CXADR: variants seen among roughly 807,000 people sequenced by gnomAD.
CXADR encodes the protein coxsackievirus and adenovirus receptor.
CXADR carries 20 observed loss-of-function variants against 40.3 expected under a neutral mutation model. The ratio of observed to expected loss-of-function variants is 0.50; its 90% CI spans 0.35 to 0.72. The LOEUF (loss-of-function observed/expected upper bound fraction) is 0.72, where lower values mean the gene tolerates loss of function less well. Ranked by LOEUF, CXADR falls within the 30% of genes least tolerant of loss-of-function variation. The pLI is 0.01. For synonymous variants in CXADR, 150 were observed against 161.3 expected (o/e 0.93, Z 0.53); for missense variants, 332 against 449.1 (o/e 0.74, Z 2.36).
rs917756107 is a variant in CXADR at position 17,565,910 on chromosome 21, G to A, written c.*218G>A. On this transcript the variant is annotated 3_prime_UTR_variant, in exon 7 of 7. Transcript: ENST00000284878. Reference sequence around the variant, plus strand: ...AAAGAAAAGTTTACCATCTGAAAAAGCTGGATTTTCTTTAAGAGGTTGATT... The same window carrying A: ...AAAGAAAAGTTTACCATCTGAAAAAACTGGATTTTCTTTAAGAGGTTGATT... 4.0e-5 allele frequency: 49 copies of A among 1,221,682 alleles called. No individual in the cohort carries two copies. Among genetic ancestry groups the A allele is most frequent in the Non-Finnish European group, 3.9e-5 (38 of 979,162 alleles). 75.7% of individuals were successfully genotyped at this position (1,221,682 alleles called of 1,614,324 possible).
chr21:17,615,244 C>A, the CXADR span, among the ~76,000 whole-genome samples: 1 of 152,160 alleles, frequency 6.6e-6, no homozygotes, highest in African/African-American at 2.4e-5. Context: ...ATACCTTCAC[C>A]AGACACTGGA....
At chr21:17,634,578 A>C in the CXADR span, among the ~76,000 whole-genome samples, 2 of 152,100 alleles carry the variant, frequency 1.3e-5, no homozygotes, top group Non-Finnish European at 2.9e-5. Flanking sequence ...ATTCTCCAAT[A>C]CTCTAGACTG....
intron 7 of CXADR, among the ~76,000 whole-genome samples, chr21:17,575,426 C>T (rs919552879): frequency 4.1e-4 from 63 of 151,904 alleles, no homozygotes; most frequent in Admixed American, 4.1e-3. Flanking sequence ...AAGTGATACC[C>T]CTGCCACGGC....
chr21:17,613,249 T>A, the CXADR span: 1 of 152,178 alleles, frequency 6.6e-6, no homozygotes, highest in African/African-American at 2.4e-5. Context: ...GCTTGGTCCT[T>A]TCGGCTGTCT....
At chr21:17,605,943 G>C in the CXADR span, among the ~76,000 whole-genome samples, 1 of 152,066 alleles carries the variant, frequency 6.6e-6, no homozygotes, top group Non-Finnish European at 1.5e-5. Flanking sequence ...GTTAATTGAT[G>C]AATAGTAATT....
exon 8 of CXADR, chr21:17,593,450 A>G (rs1277120271): frequency 3.7e-6 from 1 of 269,732 alleles, no homozygotes; most frequent in African/African-American, 2.2e-5. Flanking sequence ...TATTTTCAAT[A>G]ACTACCACTA....
chr21:17,561,361 G>T lies in CXADR; in HGVS notation c.718G>T (p.Ala240Ser). 2 of 1,594,386 alleles carry T rather than the reference G, an allele frequency of 1.3e-6. No individual in the cohort carries two copies. Among genetic ancestry groups the T allele is most frequent in the Non-Finnish European group, 1.7e-6 (2 of 1,170,640 alleles). The part of the protein sequence containing the change: ...VPPSNKAGLI[A>S]GAIIGTLLAL... ...AGCTTCAAATAAAGCTGGACTAATT[G>T]CAGGAGCCATTATAGGAACTTTGCT... Residue 240 changes from alanine to serine, a missense_variant, in exon 6 of 7, where the codon GCA becomes TCA. By Grantham distance (99) the Ala-to-Ser change is moderately conservative. Around this residue, in one of 3 missense-constraint regions of CXADR, gnomAD observed 150 missense variants for 194.2 expected, o/e 0.77. Transcript: ENST00000284878.
the CXADR span, among the ~76,000 whole-genome samples, chr21:17,606,678 T>C: frequency 6.6e-6 from 1 of 152,114 alleles, no homozygotes; most frequent in East Asian, 1.9e-4. Flanking sequence ...ACATGTTTTG[T>C]ACTATTTTTT....
At chr21:17,633,017 G>T in the CXADR span, 1 of 152,256 alleles carries the variant, frequency 6.6e-6, no homozygotes, top group South Asian at 2.1e-4. Flanking sequence ...ATAATGTTGG[G>T]GCTCAGAAAA....
At chr21:17,562,133 A>G (rs117937128) in intron 6 of CXADR, among the ~76,000 whole-genome samples, 5 of 123,244 alleles carry the variant, frequency 4.1e-5, no homozygotes, top group African/African-American at 1.6e-4. Context: ...GTGTAAAAAA[A>G]CAGTGTAGAT....
the CXADR span, among the ~76,000 whole-genome samples, chr21:17,607,580 G>C: frequency 1.3e-5 from 2 of 152,196 alleles, no homozygotes; most frequent in African/African-American, 4.8e-5. Flanking sequence ...TTCAGTACAT[G>C]AGAAATTAGC....
chr21:17,623,968 G>C, the CXADR span, among the ~76,000 whole-genome samples: 1 of 152,178 alleles, frequency 6.6e-6, no homozygotes, highest in African/African-American at 2.4e-5. Flanking sequence ...GCTGTTGCAT[G>C]AATGATGGCA....
intron 1 of CXADR, among the ~76,000 whole-genome samples, chr21:17,527,579 TCAGA>T (rs1288254223): frequency 1.3e-5 from 2 of 151,492 alleles, no homozygotes. Context: ...GAGGGAGGAG[TCAGA>T]CAATTATTCG....
chr21:17,632,892 A>C, the CXADR span, among the ~76,000 whole-genome samples: 21 of 151,950 alleles, frequency 1.4e-4, no homozygotes, highest in Non-Finnish European at 2.8e-4. Context: ...TAAAACTCTG[A>C]AGAGAAGGGT....
downstream of CXADR, among the ~76,000 whole-genome samples, chr21:17,570,458 G>A (rs2061268879): frequency 6.6e-6 from 1 of 152,150 alleles, no homozygotes; most frequent in African/African-American, 2.4e-5. Context: ...AAAGATCAAG[G>A]CACTGGCAGA....
chr21:17,629,903 C>T, the CXADR span, among the ~76,000 whole-genome samples: 2 of 152,100 alleles, frequency 1.3e-5, no homozygotes, highest in South Asian at 2.1e-4. Context: ...AAGTCAATAA[C>T]GTTACAGGGA....
At chr21:17,583,635 A>G (rs1449095676) in intron 7 of CXADR, among the ~76,000 whole-genome samples, 3 of 152,176 alleles carry the variant, frequency 2.0e-5, no homozygotes, top group Admixed American at 6.5e-5. Context: ...TCCCCCTGGT[A>G]TCAGTGAACA....
In CXADR at chr21:17,569,328, C is replaced by A. The variant is rs1390234680; in HGVS notation, c.*3636C>A. 1.4e-4 allele frequency: 139 copies of A among 984,786 alleles called. No individual in the cohort carries two copies. The highest frequency in any genetic ancestry group is 1.7e-4 in the Non-Finnish European group (137 of 829,842). 61.0% of individuals were successfully genotyped at this position (984,786 alleles called of 1,614,324 possible). A position where few individuals can be genotyped will look rare whatever the true frequency, so the allele number is the denominator to read the frequency against. On this transcript the variant is annotated 3_prime_UTR_variant, in exon 7 of 7. Coordinates refer to ENST00000284878, the MANE Select transcript of CXADR (RefSeq NM_001338.5). ...AAGAGTAGTTTGTAGAAAATGTTGG[C>A]ACAATTTTAACTTCTTAGTGGCTTG...
chr21:17,579,366 C>A (rs2061344224), intron 7 of CXADR, among the ~76,000 whole-genome samples: 1 of 151,758 alleles, frequency 6.6e-6, no homozygotes. Flanking sequence ...CTCACTGCAA[C>A]CTCCGTCTCC....
Sources: gnomAD v4.1 joint callset for allele counts (sites outside exome capture counted in the v4.1 genomes callset) on GRCh38, gnomAD v4.1.1 for gene constraint, gnomAD v4.1.1 regional missense constraint, MANE v1.5 for transcripts, NCBI Gene and HGNC (gene_info 2026-07-23, HGNC 2026-07-21) for gene names.